Variants in PHACTR1 observed in about 807,000 individuals in gnomAD.
PHACTR1 encodes the protein phosphatase and actin regulator 1.
In PHACTR1, 16 loss-of-function variants were observed where a neutral mutation model predicts 69.2. The ratio of observed to expected loss-of-function variants is 0.23; its 90% CI spans 0.16 to 0.35. The LOEUF (loss-of-function observed/expected upper bound fraction) is 0.35. PHACTR1 is among the 10% of genes least tolerant of loss of function. The probability of loss-of-function intolerance (pLI) is 1.00; values close to 1 mark genes in which losing one functional copy is unlikely to be tolerated. For missense variants in PHACTR1, 510 were observed against 734.7 expected, an observed-to-expected ratio of 0.69 and a Z score of 3.54; for synonymous variants, 312 against 284.5, an observed-to-expected ratio of 1.10 and a Z score of -0.97.
At chr6:12,909,842 G>A (rs143370925) in intron 4 of PHACTR1, among the ~76,000 whole-genome samples, 273 of 152,316 alleles carry the variant, frequency 1.8e-3, no homozygotes, top group African/African-American at 6.0e-3. Context: ...GCCCAGTAGC[G>A]TCTAAGCTCA....
intron 4 of PHACTR1, among the ~76,000 whole-genome samples, chr6:12,822,846 A>G (rs1241822404): frequency 3.3e-5 from 5 of 152,250 alleles, no homozygotes; most frequent in Admixed American, 2.0e-4. Context: ...GAGAAGGTAG[A>G]TGAGCCATAA....
chr6:12,754,281 T>C (rs901300517), intron 4 of PHACTR1, among the ~76,000 whole-genome samples: 2 of 151,936 alleles, frequency 1.3e-5, no homozygotes, highest in Non-Finnish European at 2.9e-5. Flanking sequence ...GCTGGCAAAT[T>C]GTAAATATTA....
At chr6:12,798,240 T>G (rs188573683) in intron 4 of PHACTR1, among the ~76,000 whole-genome samples, 32 of 152,208 alleles carry the variant, frequency 2.1e-4, no homozygotes, top group South Asian at 1.5e-3. Context: ...GAAAGGAAGC[T>G]TTCAATCCAG....
At chr6:13,091,657 C>A (rs1813304901) in intron 5 of PHACTR1, among the ~76,000 whole-genome samples, 1 of 152,108 alleles carries the variant, frequency 6.6e-6, no homozygotes, top group Non-Finnish European at 1.5e-5. Flanking sequence ...AATGTAGAAT[C>A]AGTGGGAGCC....
chr6:13,100,379 C>T (rs1454102363), intron 5 of PHACTR1, among the ~76,000 whole-genome samples: 1 of 152,228 alleles, frequency 6.6e-6, no homozygotes, highest in Non-Finnish European at 1.5e-5. Context: ...AACCGTTAAA[C>T]TTGATAACTT....
At chr6:12,981,257 A>G (rs1176892407) in intron 4 of PHACTR1, among the ~76,000 whole-genome samples, 2 of 152,240 alleles carry the variant, frequency 1.3e-5, no homozygotes. Flanking sequence ...TGAAAAAAGT[A>G]ATCAAAAAAA....
At chr6:13,195,515 A>G (rs1315499565) in intron 7 of PHACTR1, among the ~76,000 whole-genome samples, 1 of 151,958 alleles carries the variant, frequency 6.6e-6, no homozygotes, top group East Asian at 1.9e-4. Context: ...CCAGCACTTC[A>G]GGAGGCCGAG....
intron 3 of PHACTR1, among the ~76,000 whole-genome samples, chr6:12,719,519 T>G (rs1044955348): frequency 6.6e-6 from 1 of 152,140 alleles, no homozygotes; most frequent in Non-Finnish European, 1.5e-5. Flanking sequence ...ATTTTTTTTT[T>G]CACATATTTT....
chr6:13,053,243 A>G, intron 4 of PHACTR1, 122 bp from the exon 5 acceptor site: 1 of 1,091,806 alleles, frequency 9.2e-7, no homozygotes, highest in Non-Finnish European at 1.3e-6. Context: ...AAAGGCAAAG[A>G]GAAACTCTAG....
rs140935312 is a variant in PHACTR1, at chr6:13,020,332, G to C, written c.251-33033G>C. ...TATACCCAAGTCCAGAGGAAGGATA[G>C]AACATGGTCATTTGTTTATTCATGT... On this transcript the variant is annotated intron_variant, in intron 4 of 14. Transcript: ENST00000332995. Among the ~76,000 whole-genome samples, 248 of 152,320 alleles carry C rather than the reference G, an allele frequency of 1.6e-3. 2 individuals carry two copies. The highest frequency in any genetic ancestry group is 3.4e-3 in the Middle Eastern group (1 of 294).
chr6:13,229,415 T>C (rs1188492739), intron 9 of PHACTR1, among the ~76,000 whole-genome samples: 1 of 152,136 alleles, frequency 6.6e-6, no homozygotes, highest in Admixed American at 6.5e-5. Flanking sequence ...CCTCAGCTGC[T>C]CAGAAATGCT....
intron 4 of PHACTR1, among the ~76,000 whole-genome samples, chr6:12,791,744 T>G (rs181373342): frequency 3.3e-5 from 5 of 152,150 alleles, no homozygotes; most frequent in African/African-American, 4.8e-5. Flanking sequence ...CACCACAAAA[T>G]AAACAGCCGT....
chr6:12,768,305 G>A (rs1368937154), intron 4 of PHACTR1, among the ~76,000 whole-genome samples: 3 of 151,840 alleles, frequency 2.0e-5, no homozygotes, highest in Admixed American at 6.6e-5. Context: ...TAGTAGAGAC[G>A]GGGTTTCACC....
chr6:12,983,016 T>C (rs111345845), intron 4 of PHACTR1, among the ~76,000 whole-genome samples: 1,809 of 152,360 alleles, frequency 0.012, 18 homozygotes, highest in South Asian at 0.027. Context: ...AAGAAAGTGC[T>C]CCTGCATACC....
chr6:13,214,223 A>AAG (rs1197770350), intron 8 of PHACTR1: 3 of 151,380 alleles, frequency 2.0e-5, no homozygotes, highest in Non-Finnish European at 4.4e-5. Context: ...TCCCCTGAAA[A>AAG]AAAAAAAAGC....
intron 5 of PHACTR1, among the ~76,000 whole-genome samples, chr6:13,135,267 G>C (rs548286068): frequency 6.6e-6 from 1 of 152,292 alleles, no homozygotes; most frequent in East Asian, 1.9e-4. Context: ...GGGCAGTCCT[G>C]GGATCTGAAG....
chr6:13,048,194 C>T (rs1475311090), intron 4 of PHACTR1, among the ~76,000 whole-genome samples: 1 of 152,172 alleles, frequency 6.6e-6, no homozygotes, highest in African/African-American at 2.4e-5. Flanking sequence ...TTTGCTTGCC[C>T]ATGGCTCTCT....
In PHACTR1 at chr6:13,208,629, C is replaced by CG. The variant is rs906792981; in HGVS notation, c.986+2493_986+2494insG. Among the ~76,000 whole-genome samples, 9 of 140,640 alleles carry CG rather than the reference C, an allele frequency of 6.4e-5. 1 individual carries two copies. Among genetic ancestry groups the CG allele is most frequent in the Admixed American group, 2.8e-4 (4 of 14,516 alleles). 92.3% of individuals were successfully genotyped at this position (140,640 alleles called of 152,430 possible). A position where few individuals can be genotyped will look rare whatever the true frequency, so the allele number is the denominator to read the frequency against. ...ATGTAGCAGCCAACGTCATTGCTGC[C>CG]CACCCCCCCAACCCCATGTCTACAT... On this transcript the variant is annotated intron_variant, in intron 8 of 14. Coordinates refer to ENST00000332995, the MANE Select transcript of PHACTR1 (RefSeq NM_030948.6).
intron 8 of PHACTR1, among the ~76,000 whole-genome samples, chr6:13,219,905 C>T (rs1183889238): frequency 6.6e-6 from 1 of 152,156 alleles, no homozygotes; most frequent in Non-Finnish European, 1.5e-5. Context: ...CAACATGGTT[C>T]ATGGAAAGAA....
Sources: allele counts gnomAD v4.1 joint callset (sites outside exome capture counted in the v4.1 genomes callset), GRCh38; gene constraint gnomAD v4.1.1; transcripts MANE v1.5; gene names NCBI Gene and HGNC (gene_info 2026-07-23, HGNC 2026-07-21).